SCAPER: variants seen among roughly 807,000 people sequenced by gnomAD.
SCAPER encodes the protein S phase cyclin A-associated protein in the endoplasmic reticulum.
In SCAPER, 98 loss-of-function variants were observed where a neutral mutation model predicts 182.2. That is an observed-to-expected ratio of 0.54 (90% CI 0.46 to 0.64). The LOEUF is 0.64. Ranked by LOEUF, SCAPER falls within the 30% of genes least tolerant of loss-of-function variation. The pLI is 0.00. For synonymous variants in SCAPER, 605 were observed against 564.6 expected, an observed-to-expected ratio of 1.07 and a Z score of -1.01; for missense variants, 1,432 against 1,690.0, an observed-to-expected ratio of 0.85 and a Z score of 2.68.
chr15:76,400,370 C>T (rs1486235640), intron 27 of SCAPER, among the ~76,000 whole-genome samples: 2 of 152,212 alleles, frequency 1.3e-5, no homozygotes, highest in Admixed American at 1.3e-4. Flanking sequence ...ACCACACTAC[C>T]TTTCCTCTTA....
chr15:76,839,628 T>C (rs1301553661), intron 5 of SCAPER, among the ~76,000 whole-genome samples: 1 of 152,214 alleles, frequency 6.6e-6, no homozygotes, highest in Non-Finnish European at 1.5e-5. Context: ...GAATAAAGAA[T>C]GGAAAACACA....
intron 29 of SCAPER, among the ~76,000 whole-genome samples, chr15:76,358,258 C>A (rs1342072054): frequency 6.6e-6 from 1 of 152,224 alleles, no homozygotes; most frequent in Non-Finnish European, 1.5e-5. Context: ...TATTCCTGAT[C>A]ATTCTCTGGA....
chr15:76,628,801 CT>C (rs1159907317), intron 21 of SCAPER, among the ~76,000 whole-genome samples: 2 of 152,158 alleles, frequency 1.3e-5, no homozygotes, highest in African/African-American at 4.8e-5. Flanking sequence ...TATTCTAATT[CT>C]GTGAAGAATG....
intron 17 of SCAPER, among the ~76,000 whole-genome samples, chr15:76,706,199 C>G (rs527359222): frequency 2.6e-5 from 4 of 151,914 alleles, no homozygotes; most frequent in Non-Finnish European, 5.9e-5. Flanking sequence ...GTTTCTGGAC[C>G]CAGGCATGGC....
intron 10 of SCAPER, among the ~76,000 whole-genome samples, chr15:76,767,343 C>T (rs983967511): frequency 3.3e-5 from 5 of 151,808 alleles, no homozygotes; most frequent in African/African-American, 4.8e-5. Flanking sequence ...CAGACAGCTA[C>T]GTATGAGAAA....
At chr15:76,805,523 C>T (rs1211336043) in intron 5 of SCAPER, among the ~76,000 whole-genome samples, 1 of 149,950 alleles carries the variant, frequency 6.7e-6, no homozygotes, top group Non-Finnish European at 1.5e-5. Context: ...TAACTTTGTG[C>T]CTCTTTTCAT....
chr15:76,549,585 T>A (rs1445757489), intron 23 of SCAPER, among the ~76,000 whole-genome samples: 1 of 151,696 alleles, frequency 6.6e-6, no homozygotes, highest in Non-Finnish European at 1.5e-5. Flanking sequence ...CATCACACTC[T>A]GGGGACTGTT....
intron 20 of SCAPER, among the ~76,000 whole-genome samples, chr15:76,695,716 T>C (rs186313403): frequency 6.6e-6 from 1 of 152,258 alleles, no homozygotes; most frequent in African/African-American, 2.4e-5. Context: ...GCCACAGATA[T>C]AGAGCCACAT....
intron 1 of SCAPER, among the ~76,000 whole-genome samples, chr15:76,904,965 C>A (rs1164744093): frequency 6.6e-6 from 1 of 152,208 alleles, no homozygotes; most frequent in East Asian, 1.9e-4. Flanking sequence ...CGCGGCAGCC[C>A]CCCACTCACC....
At chr15:76,729,295 T>TACACACACACACAC (rs57440824) in intron 16 of SCAPER, among the ~76,000 whole-genome samples, 22 of 144,194 alleles carry the variant, frequency 1.5e-4, no homozygotes, top group African/African-American at 4.8e-4. Flanking sequence ...TATATACACA[T>TACACACACACACAC]ACACACACAC....
At chr15:76,403,854 G>A (rs1376343873) in intron 27 of SCAPER, among the ~76,000 whole-genome samples, 1 of 152,156 alleles carries the variant, frequency 6.6e-6, no homozygotes, top group East Asian at 1.9e-4. Context: ...AGAAGACCCA[G>A]AGGGTTACTT....
chr15:76,652,276 ATATATATATATATAT>A (rs2055156195), intron 21 of SCAPER, among the ~76,000 whole-genome samples: 1 of 9,868 alleles, frequency 1.0e-4, no homozygotes, highest in African/African-American at 4.4e-4. Context: ...AAAAAAAAAT[ATATATATATATATAT>A]ATATATATAT....
At chr15:76,878,419 T>C (rs1239222490) in intron 2 of SCAPER, among the ~76,000 whole-genome samples, 2 of 137,880 alleles carry the variant, frequency 1.5e-5, no homozygotes, top group Non-Finnish European at 3.2e-5. Flanking sequence ...ATTTTCATGA[T>C]TTTCAGGTAG....
intron 20 of SCAPER, among the ~76,000 whole-genome samples, chr15:76,684,165 T>C (rs1449361834): frequency 4.0e-5 from 6 of 151,800 alleles, no homozygotes; most frequent in Admixed American, 3.3e-4. Flanking sequence ...CAATCAAGTC[T>C]GCATAATAAC....
chr15:76,477,107 G>C (rs766065906), intron 24 of SCAPER, among the ~76,000 whole-genome samples: 10 of 151,892 alleles, frequency 6.6e-5, no homozygotes, highest in Admixed American at 1.3e-4. Context: ...ACACCAAACT[G>C]GTCTGCTGAA....
At chr15:76,495,087 A>C (rs886494831) in intron 24 of SCAPER, among the ~76,000 whole-genome samples, 2 of 152,192 alleles carry the variant, frequency 1.3e-5, no homozygotes. Context: ...CATGGAAATC[A>C]AATGCCTTAC....
intron 10 of SCAPER, among the ~76,000 whole-genome samples, chr15:76,771,447 A>G (rs529274161): frequency 1.3e-5 from 2 of 152,226 alleles, no homozygotes; most frequent in South Asian, 4.1e-4. Context: ...AGAAGACTTT[A>G]TTGTTACTAG....
intron 25 of SCAPER, among the ~76,000 whole-genome samples, chr15:76,437,698 T>A (rs926962055): frequency 3.9e-5 from 6 of 152,388 alleles, no homozygotes; most frequent in African/African-American, 1.4e-4. Context: ...CATGTCATAT[T>A]TAGCAATCTT....
chr15:76,857,456 A>G (rs1359234519), intron 4 of SCAPER, among the ~76,000 whole-genome samples: 1 of 151,974 alleles, frequency 6.6e-6, no homozygotes, highest in Non-Finnish European at 1.5e-5. Context: ...GTTAAAAAAA[A>G]AAAAGAAAAA....
Sources: allele counts gnomAD v4.1 joint callset (sites outside exome capture counted in the v4.1 genomes callset), GRCh38; gene constraint gnomAD v4.1.1; transcripts MANE v1.5; gene names NCBI Gene and HGNC (gene_info 2026-07-23, HGNC 2026-07-21).